Variants in SLC44A1 observed in about 807,000 individuals in gnomAD.
SLC44A1 encodes choline transporter-like protein 1.
Under a neutral mutation model 79.3 loss-of-function variants are expected in SLC44A1, and 26 were observed. The observed-to-expected ratio is 0.33, with a 90% CI of 0.24 to 0.46. SLC44A1 has a LOEUF of 0.46. Among genes scored for constraint, SLC44A1 ranks in the 20% least tolerant of loss-of-function variants. The pLI is 1.00. For synonymous variants in SLC44A1, 263 were observed against 286.2 expected (o/e 0.92, Z 0.82); for missense variants, 688 against 798.1 (o/e 0.86, Z 1.66).
At chr9:105,330,831 C>T (rs888093093) in intron 3 of SLC44A1, among the ~76,000 whole-genome samples, 10 of 152,186 alleles carry the variant, frequency 6.6e-5, no homozygotes, top group Non-Finnish European at 1.2e-4. Context: ...CATTTACATG[C>T]CTTACCAGCT....
chr9:105,336,546 A>G (rs1031772188), intron 4 of SLC44A1, among the ~76,000 whole-genome samples: 1 of 151,990 alleles, frequency 6.6e-6, no homozygotes. Flanking sequence ...TTGAGGTTTC[A>G]TGCTTGTATT....
chr9:105,259,861 G>C (rs1770429615), intron 1 of SLC44A1, among the ~76,000 whole-genome samples: 1 of 152,170 alleles, frequency 6.6e-6, no homozygotes, highest in Admixed American at 6.5e-5. Flanking sequence ...CTAGTTTGCT[G>C]CTAGTTTAAA....
Position 105,273,554 on chromosome 9 carries a change from CTT to C in SLC44A1, c.37-25665_37-25664del, listed in dbSNP as rs1421831462. 4.6e-5 allele frequency among the ~76,000 whole-genome samples: 7 copies of C among 152,024 alleles called. No homozygotes were observed. The South Asian group carries it at 6.2e-4, about 14-fold the overall frequency. On this transcript the variant is annotated intron_variant, in intron 1 of 15. Coordinates refer to ENST00000374720, the MANE Select transcript of SLC44A1 (RefSeq NM_080546.5). ...ACATGTAAACTCAGGATGCTGGGCT[CTT>C]ATATCATTTCATGGTGGATGATTTG...
At chr9:105,353,961 T>G (rs992204265) in intron 5 of SLC44A1, among the ~76,000 whole-genome samples, 8 of 151,602 alleles carry the variant, frequency 5.3e-5, no homozygotes, top group Non-Finnish European at 1.0e-4. Context: ...GAAAAGAGGC[T>G]TCATCATGAC....
intron 2 of SLC44A1, chr9:105,299,832 C>T: frequency 1.0e-6 from 1 of 986,602 alleles, no homozygotes; most frequent in Non-Finnish European, 1.2e-6. Context: ...GCCCCTGCTG[C>T]CTGCTGTGTC....
chr9:105,423,571 A>G (rs556372361), intron 15 of SLC44A1, among the ~76,000 whole-genome samples: 1 of 152,328 alleles, frequency 6.6e-6, no homozygotes, highest in East Asian at 1.9e-4. Context: ...AAATCAGACT[A>G]TTGTTCCTTG....
chr9:105,253,204 A>G lies in SLC44A1; in HGVS notation c.36+8300A>G, dbSNP rs577388982. Among the ~76,000 whole-genome samples, 28 of 152,346 alleles carry G rather than the reference A, an allele frequency of 1.8e-4. No individual in the cohort carries two copies. In the South Asian group the frequency reaches 5.8e-3, roughly 32 times the overall value. ...ATTCAAATTTTTAAGGTTGCCAGAAATGCTGAAAATTATTAAATGGAAGTG... is the reference window on the plus strand; with the variant it reads ...ATTCAAATTTTTAAGGTTGCCAGAAGTGCTGAAAATTATTAAATGGAAGTG... On this transcript the variant is annotated intron_variant, in intron 1 of 15. Coordinates refer to ENST00000374720, the MANE Select transcript of SLC44A1 (RefSeq NM_080546.5).
intron 13 of SLC44A1, among the ~76,000 whole-genome samples, chr9:105,379,501 G>A (rs776855680): frequency 6.6e-6 from 1 of 152,124 alleles, no homozygotes; most frequent in African/African-American, 2.4e-5. Context: ...TAAAGGGTAC[G>A]TGGAACCGTT....
intron 1 of SLC44A1, among the ~76,000 whole-genome samples, chr9:105,283,022 G>A (rs778159117): frequency 1.2e-4 from 19 of 152,180 alleles, no homozygotes; most frequent in Non-Finnish European, 2.6e-4. Flanking sequence ...TCAGTGGCCC[G>A]TGCTGCAGGA....
chr9:105,256,628 T>G (rs1829712895), intron 1 of SLC44A1, among the ~76,000 whole-genome samples: 1 of 151,236 alleles, frequency 6.6e-6, no homozygotes. Context: ...GGTGGTGAGA[T>G]CTCAGCTCAC....
chr9:105,403,110 A>C (rs1374462106), intron 15 of SLC44A1, among the ~76,000 whole-genome samples: 1 of 150,782 alleles, frequency 6.6e-6, no homozygotes. Flanking sequence ...GTGAGCCACC[A>C]TGCCCAGCCC....
intron 12 of SLC44A1, among the ~76,000 whole-genome samples, chr9:105,372,454 A>AT (rs1828133828): frequency 6.6e-6 from 1 of 151,488 alleles, no homozygotes; most frequent in Non-Finnish European, 1.5e-5. Flanking sequence ...CGCCCGGCTA[A>AT]TTTTTTTGTA....
At chr9:105,316,314 T>C (rs1588770778) in intron 3 of SLC44A1, among the ~76,000 whole-genome samples, 1 of 152,278 alleles carries the variant, frequency 6.6e-6, no homozygotes, top group East Asian at 1.9e-4. Flanking sequence ...TCTTAGATAC[T>C]GTGGAGTCAG....
intron 15 of SLC44A1, among the ~76,000 whole-genome samples, chr9:105,435,945 C>T (rs1829458655): frequency 6.6e-6 from 1 of 152,240 alleles, no homozygotes; most frequent in Non-Finnish European, 1.5e-5. Flanking sequence ...CGCCTGTAAT[C>T]TCAACACTTC....
rs1324040317 is a variant in SLC44A1 at position 105,390,554 on chromosome 9, T to C, written c.*1498T>C. 3 of 985,208 alleles carry C rather than the reference T, an allele frequency of 3.0e-6. No homozygotes were observed. The highest frequency in any genetic ancestry group is 3.6e-6 in the Non-Finnish European group (3 of 829,830). The allele number at this position is 985,208 out of a possible 1,614,324, so 61.0% of individuals were successfully genotyped here. A position where few individuals can be genotyped will look rare whatever the true frequency, so the allele number is the denominator to read the frequency against. ...ATTAGATCGGTATTATGGAAATGCATACAAGTAATGTCACTAGGGCTTAAT... is the reference window on the plus strand; with the variant it reads ...ATTAGATCGGTATTATGGAAATGCACACAAGTAATGTCACTAGGGCTTAAT... On this transcript the variant is annotated 3_prime_UTR_variant, in exon 16 of 16. Transcript: ENST00000374720.
chr9:105,395,243 G>A lies in SLC44A1; in HGVS notation c.*6187G>A, dbSNP rs983932722. 201 of 935,832 alleles carry A rather than the reference G, an allele frequency of 2.1e-4. No individual in the cohort carries two copies. Among genetic ancestry groups the A allele is most frequent in the Non-Finnish European group, 2.4e-4 (191 of 785,234 alleles). 58.0% of individuals were successfully genotyped at this position (935,832 alleles called of 1,614,324 possible). A position where few individuals can be genotyped will look rare whatever the true frequency, so the allele number is the denominator to read the frequency against. On this transcript the variant is annotated 3_prime_UTR_variant, in exon 16 of 16. Coordinates refer to ENST00000374720, the MANE Select transcript of SLC44A1 (RefSeq NM_080546.5). ...TTTGTTTTTGGTGTTTTTTTGAGAC[G>A]GAGTCTCGCTCTATCGCCAGCTTAG...
intron 5 of SLC44A1, among the ~76,000 whole-genome samples, chr9:105,351,580 G>GAA (rs1202627078): frequency 2.1e-4 from 26 of 124,928 alleles, no homozygotes; most frequent in African/African-American, 8.5e-4. Flanking sequence ...AAGAGAGAAA[G>GAA]AGAGAAAGAG....
intron 15 of SLC44A1, chr9:105,386,868 C>CAAAAAAAAA (rs58975639): frequency 1.2e-5 from 1 of 81,038 alleles, no homozygotes; most frequent in African/African-American, 5.0e-5. Context: ...ACTAAAATAC[C>CAAAAAAAAA]AAAAAAAAAA....
At chr9:105,379,525 CA>C (rs1485896980) in intron 13 of SLC44A1, among the ~76,000 whole-genome samples, 2 of 152,116 alleles carry the variant, frequency 1.3e-5, no homozygotes, top group African/African-American at 4.8e-5. Flanking sequence ...CTATTTCTTA[CA>C]ACTGCATGTG....
Sources: allele counts gnomAD v4.1 joint callset (sites outside exome capture counted in the v4.1 genomes callset), GRCh38; gene constraint gnomAD v4.1.1; transcripts MANE v1.5; gene names NCBI Gene and HGNC (gene_info 2026-07-23, HGNC 2026-07-21).